THSD7B: variants seen among roughly 807,000 people sequenced by gnomAD.
The protein encoded by THSD7B is thrombospondin type 1 domain containing 7B, also known as thrombospondin type-1 domain-containing protein 7B.
THSD7B carries 138 observed loss-of-function variants against 213.6 expected under a neutral mutation model. The observed-to-expected ratio is 0.65, with a 90% confidence interval of 0.56 to 0.74. THSD7B has a LOEUF of 0.74. Among genes scored for constraint, THSD7B ranks in the 30% least tolerant of loss-of-function variants. The probability of loss-of-function intolerance (pLI) is 0.00; values close to 1 mark genes in which losing one functional copy is unlikely to be tolerated. For synonymous variants in THSD7B, 742 were observed against 687.0 expected (o/e 1.08, Z -1.25); for missense variants, 1,931 against 1,991.5 (o/e 0.97, Z 0.58).
chr2:136,862,429 T>G (rs1683269896), intron 1 of THSD7B, among the ~76,000 whole-genome samples: 1 of 152,230 alleles, frequency 6.6e-6, no homozygotes, highest in Non-Finnish European at 1.5e-5. Context: ...CCAGGTTACC[T>G]TTTCTCTTCT....
intron 4 of THSD7B, among the ~76,000 whole-genome samples, chr2:137,104,414 A>T (rs1187325473): frequency 6.6e-6 from 1 of 152,178 alleles, no homozygotes; most frequent in African/African-American, 2.4e-5. Flanking sequence ...CACTAAATGC[A>T]GACAGGAGAA....
chr2:136,915,779 A>G (rs987867083), intron 2 of THSD7B, among the ~76,000 whole-genome samples: 1 of 152,212 alleles, frequency 6.6e-6, no homozygotes, highest in Non-Finnish European at 1.5e-5. Flanking sequence ...GTCCTAAATT[A>G]GTTCCTTGTA....
intron 15 of THSD7B, chr2:137,451,904 C>A: frequency 9.7e-6 from 2 of 205,972 alleles, no homozygotes; most frequent in South Asian, 1.7e-4. Flanking sequence ...AACAGAATAG[C>A]TACACATGCT....
At chr2:137,382,847 G>C (rs1341740448) in intron 12 of THSD7B, among the ~76,000 whole-genome samples, 2 of 152,156 alleles carry the variant, frequency 1.3e-5, no homozygotes, top group African/African-American at 2.4e-5. Flanking sequence ...TTAAGGAAGG[G>C]TGTCCCCCAT....
intron 2 of THSD7B, among the ~76,000 whole-genome samples, chr2:136,901,061 G>A (rs1684054212): frequency 6.8e-6 from 1 of 147,000 alleles, no homozygotes; most frequent in South Asian, 2.2e-4. Context: ...AAACAGAAAA[G>A]CCTTCTTATT....
chr2:137,487,405 A>G (rs1688483703), intron 15 of THSD7B, among the ~76,000 whole-genome samples: 1 of 136,846 alleles, frequency 7.3e-6, no homozygotes, highest in South Asian at 2.3e-4. Flanking sequence ...AAAAAGAACT[A>G]GAAAAGCAAG....
chr2:137,211,344 A>ACACACACACACACACACACACGCAGAGG (rs1681103676), intron 7 of THSD7B, among the ~76,000 whole-genome samples: 1 of 119,450 alleles, frequency 8.4e-6, no homozygotes, highest in Admixed American at 8.8e-5. Flanking sequence ...ACACACACAC[A>ACACACACACACACACACACACGCAGAGG]CACACACACA....
intron 12 of THSD7B, among the ~76,000 whole-genome samples, chr2:137,324,482 C>A (rs1476922389): frequency 1.3e-5 from 2 of 151,998 alleles, no homozygotes; most frequent in Non-Finnish European, 2.9e-5. Flanking sequence ...TTCTTTCATT[C>A]ATTGCTTTGA....
intron 14 of THSD7B, among the ~76,000 whole-genome samples, chr2:137,412,547 A>G (rs1273855703): frequency 6.9e-6 from 1 of 144,104 alleles, no homozygotes; most frequent in Non-Finnish European, 1.5e-5. Context: ...CAGTGAGCCC[A>G]GACTGTGCCA....
Position 137,288,651 on chromosome 2 carries a change from A to G in THSD7B, c.2500+12625A>G, listed in dbSNP as rs116443190. ...GTGATGAGTTGAAATTTCATACTCA[A>G]TGGGGTTTTAGGCCAATGAGAATAG... On this transcript the variant is annotated intron_variant, in intron 12 of 27. Coordinates refer to ENST00000409968, the MANE Select transcript of THSD7B (RefSeq NM_001316349.2). Among the ~76,000 whole-genome samples, 530 of 152,162 alleles carry G rather than the reference A, an allele frequency of 3.5e-3. 6 individuals carry two copies. Among genetic ancestry groups the G allele is most frequent in the African/African-American group, 0.012 (502 of 41,548 alleles).
At chr2:137,145,708 T>A (rs1441334309) in intron 5 of THSD7B, among the ~76,000 whole-genome samples, 3 of 151,856 alleles carry the variant, frequency 2.0e-5, no homozygotes. Flanking sequence ...AAGGTATAAA[T>A]GCTAAAAAAA....
chr2:136,881,791 A>G lies in THSD7B; in HGVS notation c.-35-353A>G, dbSNP rs115954106. On this transcript the variant is annotated intron_variant, in intron 1 of 27. Coordinates refer to ENST00000409968, the MANE Select transcript of THSD7B (RefSeq NM_001316349.2). ...TCTTTTTAGAGCTACTATGGGAATC[A>G]AGTAACTACTTTGGATCCTGTGAGA... is the stretch of plus-strand genomic sequence containing the variant. Among the ~76,000 whole-genome samples, 1,373 of 152,264 alleles carry G rather than the reference A, an allele frequency of 9.0e-3. 24 individuals are homozygous for G. The highest frequency in any genetic ancestry group is 0.031 in the African/African-American group (1,289 of 41,566).
rs184582757 is a variant in THSD7B, at chr2:137,113,175, A to C, written c.1200-1949A>C. Among the ~76,000 whole-genome samples, 144 of 152,184 alleles carry C rather than the reference A, an allele frequency of 9.5e-4. 2 individuals carry two copies. The East Asian group carries it at 0.027, about 28-fold the overall frequency. ...TGAAATGAGATCTTGGTAATCATCC[A>C]CCCCAACATTCTCATACCCCATTTC... On this transcript the variant is annotated intron_variant, in intron 4 of 27. Coordinates refer to ENST00000409968, the MANE Select transcript of THSD7B (RefSeq NM_001316349.2).
intron 12 of THSD7B, among the ~76,000 whole-genome samples, chr2:137,342,724 T>C (rs1684788809): frequency 6.6e-6 from 1 of 151,560 alleles, no homozygotes. Context: ...TTTTGTTTTG[T>C]TTTGTTTTGT....
intron 1 of THSD7B, among the ~76,000 whole-genome samples, chr2:136,833,823 G>C (rs1682799234): frequency 6.6e-6 from 1 of 152,090 alleles, no homozygotes; most frequent in Non-Finnish European, 1.5e-5. Flanking sequence ...GATCCAATGA[G>C]GGAAGTTTTT....
intron 12 of THSD7B, among the ~76,000 whole-genome samples, chr2:137,338,256 A>G (rs889447819): frequency 1.1e-4 from 16 of 152,020 alleles, no homozygotes; most frequent in African/African-American, 3.4e-4. Context: ...ATAGTTGAGC[A>G]TTTTGCATGG....
chr2:137,677,586 A>G lies in THSD7B; in HGVS notation c.*981A>G, dbSNP rs1324580337. 1.3e-5 allele frequency: 2 copies of G among 152,782 alleles called. No homozygotes were observed. Among genetic ancestry groups the G allele is most frequent in the South Asian group, 2.1e-4 (1 of 4,832 alleles). 9.5% of individuals were successfully genotyped at this position (152,782 alleles called of 1,614,324 possible). ...CTTTTATAAGGTTTCAATAATATCT[A>G]AAACAACACATTAAAAAGCTGAGAC... On this transcript the variant is annotated 3_prime_UTR_variant, in exon 28 of 28. Transcript: ENST00000409968.
At chr2:136,914,242 AGC>A (rs1684315210) in intron 2 of THSD7B, among the ~76,000 whole-genome samples, 20 of 152,214 alleles carry the variant, frequency 1.3e-4, no homozygotes, top group Admixed American at 1.3e-3. Context: ...CATTTGGAAT[AGC>A]TGTATTTACC....
chr2:137,071,936 C>A (rs1336960038), intron 3 of THSD7B, among the ~76,000 whole-genome samples: 1 of 152,120 alleles, frequency 6.6e-6, no homozygotes, highest in Non-Finnish European at 1.5e-5. Context: ...GGCATTATTT[C>A]TGAGGGCTCT....
Sources: gnomAD v4.1 joint callset for allele counts (sites outside exome capture counted in the v4.1 genomes callset) on GRCh38, gnomAD v4.1.1 for gene constraint, MANE v1.5 for transcripts, NCBI Gene and HGNC (gene_info 2026-07-23, HGNC 2026-07-21) for gene names.